The following PDLIM5 variants were observed in gnomAD, a reference collection of about 807,000 sequenced individuals.
The protein encoded by PDLIM5 is PDZ and LIM domain protein 5.
PDLIM5 carries 34 observed loss-of-function variants against 64.2 expected under a neutral mutation model. The observed-to-expected ratio is 0.53, with a 90% CI of 0.40 to 0.71. The LOEUF (loss-of-function observed/expected upper bound fraction) is 0.71. Ranked by LOEUF, PDLIM5 falls within the 30% of genes least tolerant of loss-of-function variation. The probability of loss-of-function intolerance (pLI) is 0.00; values close to 1 mark genes in which losing one functional copy is unlikely to be tolerated. For synonymous variants in PDLIM5, 253 were observed against 269.1 expected, an observed-to-expected ratio of 0.94 and a Z score of 0.59; for missense variants, 683 against 733.6, an observed-to-expected ratio of 0.93 and a Z score of 0.80.
intron 3 of PDLIM5, among the ~76,000 whole-genome samples, chr4:94,528,599 A>G (rs555076404): frequency 2.6e-5 from 4 of 152,136 alleles, no homozygotes; most frequent in Non-Finnish European, 5.9e-5. Context: ...GGAATCATTT[A>G]TCTATTTCAC....
chr4:94,470,969 G>A (rs1055984886), intron 2 of PDLIM5, among the ~76,000 whole-genome samples: 7 of 152,068 alleles, frequency 4.6e-5, no homozygotes, highest in Admixed American at 1.3e-4. Context: ...CTTACATGGC[G>A]ACAGTCAAGA....
At chr4:94,456,193 A>G (rs1723334384) in intron 2 of PDLIM5, 1 of 450,120 alleles carries the variant, frequency 2.2e-6, no homozygotes. Flanking sequence ...AAATGGTGGC[A>G]TATTATACAC....
intron 3 of PDLIM5, among the ~76,000 whole-genome samples, chr4:94,572,716 T>C (rs1367090576): frequency 6.6e-6 from 1 of 152,198 alleles, no homozygotes; most frequent in Non-Finnish European, 1.5e-5. Flanking sequence ...ACTGTGCTGA[T>C]ACAGACACAG....
At chr4:94,596,178 AT>A (rs550770833) in intron 7 of PDLIM5, among the ~76,000 whole-genome samples, 1 of 152,168 alleles carries the variant, frequency 6.6e-6, no homozygotes, top group Non-Finnish European at 1.5e-5. Flanking sequence ...GTTCCTATGT[AT>A]TTTCACATCC....
chr4:94,494,620 A>G (rs557682003), intron 2 of PDLIM5, among the ~76,000 whole-genome samples: 252 of 140,826 alleles, frequency 1.8e-3, no homozygotes, highest in African/African-American at 5.5e-3. Flanking sequence ...TTGTATTTTT[A>G]ATGGAGACAG....
At chr4:94,628,905 G>C (rs1394388218) in intron 8 of PDLIM5, among the ~76,000 whole-genome samples, 1 of 151,798 alleles carries the variant, frequency 6.6e-6, no homozygotes, top group Non-Finnish European at 1.5e-5. Context: ...TTATGTCTCA[G>C]TTTTGTTTTG....
chr4:94,608,246 T>A, intron 7 of PDLIM5: 1 of 1,065,676 alleles, frequency 9.4e-7, no homozygotes, highest in Non-Finnish European at 1.3e-6. Flanking sequence ...ACTAAACTGT[T>A]TGAAAAAGAA....
intron 2 of PDLIM5, among the ~76,000 whole-genome samples, chr4:94,466,806 G>A (rs564836609): frequency 2.0e-5 from 3 of 152,262 alleles, no homozygotes; most frequent in African/African-American, 2.4e-5. Context: ...TTACGTTTAT[G>A]ATGCTGTAAA....
chr4:94,624,172 G>T (rs1332547482), intron 8 of PDLIM5, among the ~76,000 whole-genome samples: 1 of 151,806 alleles, frequency 6.6e-6, no homozygotes, highest in African/African-American at 2.4e-5. Flanking sequence ...AAAGAAGTTG[G>T]CTGGGCATGG....
In PDLIM5 at chr4:94,608,138, C is replaced by T. The variant is rs776226866; in HGVS notation, c.921-9866C>T. The T allele has an allele frequency of 5.4e-5, 82 of 1,529,832 alleles. No individual in the cohort carries two copies. In the Middle Eastern group the frequency reaches 1.0e-3, roughly 19 times the overall value. The allele number at this position is 1,529,832 out of a possible 1,614,324, so 94.8% of individuals were successfully genotyped here. A position where few individuals can be genotyped will look rare whatever the true frequency, so the allele number is the denominator to read the frequency against. ...TCCTCAGGTGTTAACTATTGGTAGC[C>T]AAGTGGCCACACTTTCTAAAGTAGC... is the stretch of plus-strand genomic sequence containing the variant. On this transcript the variant is annotated intron_variant, in intron 7 of 12. Coordinates refer to ENST00000317968, the MANE Select transcript of PDLIM5 (RefSeq NM_006457.5).
intron 5 of PDLIM5, among the ~76,000 whole-genome samples, chr4:94,578,171 G>C (rs1735442974): frequency 6.6e-6 from 1 of 152,116 alleles, no homozygotes; most frequent in Non-Finnish European, 1.5e-5. Flanking sequence ...AAGCAAACAG[G>C]TTATGGAAAA....
chr4:94,471,017 C>G (rs1724820925), intron 2 of PDLIM5, among the ~76,000 whole-genome samples: 1 of 152,008 alleles, frequency 6.6e-6, no homozygotes, highest in African/African-American at 2.4e-5. Context: ...CTTTATAAAC[C>G]CATCAGGTTT....
intron 7 of PDLIM5, among the ~76,000 whole-genome samples, chr4:94,613,182 G>T (rs1456099659): frequency 2.0e-5 from 3 of 152,014 alleles, no homozygotes; most frequent in Non-Finnish European, 4.4e-5. Context: ...TGCCATTTCA[G>T]AATCTGTATA....
At chr4:94,470,463 T>C (rs1330563370) in intron 2 of PDLIM5, among the ~76,000 whole-genome samples, 1 of 152,234 alleles carries the variant, frequency 6.6e-6, no homozygotes, top group Non-Finnish European at 1.5e-5. Flanking sequence ...ATGTTTATTC[T>C]AGGTCAGATC....
At chr4:94,619,495 C>G (rs1045370464) in intron 8 of PDLIM5, among the ~76,000 whole-genome samples, 2 of 152,056 alleles carry the variant, frequency 1.3e-5, no homozygotes, top group South Asian at 2.1e-4. Context: ...AAAAAATTAT[C>G]CGGGCATGGT....
intron 2 of PDLIM5, among the ~76,000 whole-genome samples, chr4:94,513,438 ATCT>A (rs1178930060): frequency 6.6e-6 from 1 of 151,962 alleles, no homozygotes; most frequent in Non-Finnish European, 1.5e-5. Flanking sequence ...CATTGTAGAG[ATCT>A]TCTTTGGATA....
intron 5 of PDLIM5, among the ~76,000 whole-genome samples, chr4:94,576,396 A>C (rs370941034): frequency 2.6e-5 from 4 of 152,216 alleles, no homozygotes; most frequent in South Asian, 4.1e-4. Context: ...AAGTTCAAAC[A>C]GTGGTTACAG....
At chr4:94,575,359 G>A (rs191566038) in intron 4 of PDLIM5, among the ~76,000 whole-genome samples, 136 of 152,196 alleles carry the variant, frequency 8.9e-4, no homozygotes, top group Admixed American at 2.2e-3. Flanking sequence ...CTGTATTTCC[G>A]AAATATTTTG....
At chr4:94,647,596 G>A (rs899872797) in intron 9 of PDLIM5, among the ~76,000 whole-genome samples, 7 of 152,044 alleles carry the variant, frequency 4.6e-5, no homozygotes, top group African/African-American at 1.7e-4. Flanking sequence ...ATTGATTACT[G>A]GTCAGAATAG....
Sources: allele counts gnomAD v4.1 joint callset (sites outside exome capture counted in the v4.1 genomes callset), GRCh38; gene constraint gnomAD v4.1.1; transcripts MANE v1.5; gene names NCBI Gene and HGNC (gene_info 2026-07-23, HGNC 2026-07-21).